ADCY7: variants seen among roughly 807,000 people sequenced by gnomAD.
ADCY7 encodes adenylate cyclase type 7.
In ADCY7, 72 loss-of-function variants were observed where a neutral mutation model predicts 120.6. That is an observed-to-expected ratio of 0.60 (90% CI 0.49 to 0.73). The LOEUF (loss-of-function observed/expected upper bound fraction) is 0.73, where lower values mean the gene tolerates loss of function less well. Ranked by LOEUF, ADCY7 falls within the 30% of genes least tolerant of loss-of-function variation. ADCY7 has a pLI of 0.00. For missense variants in ADCY7, 1,227 were observed against 1,486.0 expected, an observed-to-expected ratio of 0.83 and a Z score of 2.87; for synonymous variants, 661 against 628.0, an observed-to-expected ratio of 1.05 and a Z score of -0.78.
At chr16:50,304,900 T>C in intron 11 of ADCY7, 25 bp from the exon 12 acceptor site, 2 of 1,613,754 alleles carry the variant, frequency 1.2e-6, no homozygotes, top group Non-Finnish European at 1.7e-6. Context: ...GGAATGACTG[T>C]ATCCTTTCCT....
intron 1 of ADCY7, among the ~76,000 whole-genome samples, chr16:50,281,626 G>A (rs1047898680): frequency 7.9e-5 from 12 of 152,346 alleles, no homozygotes; most frequent in Admixed American, 3.3e-4. Flanking sequence ...AGTTTGGCAA[G>A]TCAGGGGCCG....
Position 50,308,769 on chromosome 16 carries a change from C to T in ADCY7, c.2038C>T (p.Leu680Phe). 1 of 1,611,628 alleles carries T rather than the reference C, an allele frequency of 6.2e-7. No individual in the cohort carries two copies. Among genetic ancestry groups the T allele is most frequent in the Non-Finnish European group, 8.5e-7 (1 of 1,179,538 alleles). Residue 680 changes from leucine (L) to phenylalanine (F), a missense_variant, in exon 17 of 26, where the codon CTC becomes TTC. Physicochemically the swap from Leu to Phe is conservative, Grantham distance 22. Coordinates refer to ENST00000673801, the MANE Select transcript of ADCY7 (RefSeq NM_001114.5). ...GGCCGTCCTGACCATCGGCAGCCTG[C>T]TCACTGTGGCCATCATCAACCTGGT... Reference protein sequence around the residue: ...TLAVLTIGSLLTVAIINLPLM... With the variant: ...TLAVLTIGSLFTVAIINLPLM...
In ADCY7 at chr16:50,301,179, A is replaced by G. The variant is rs754649790; in HGVS notation, c.1333A>G (p.Met445Val). The change falls in exon 10 of 26, where the codon ATG becomes GTG. Residue 445 changes from methionine to valine, a missense_variant. By Grantham distance (21) the Met-to-Val change is conservative. Around this residue, in one of 5 missense-constraint regions of ADCY7, gnomAD observed 332 missense variants for 455.8 expected, o/e 0.73. Coordinates refer to ENST00000673801, the MANE Select transcript of ADCY7 (RefSeq NM_001114.5). ...GCAGCGGGACCCCTACCTCAAGGAGATGAACATCCGCACCTACCTGGTCAT... is the reference window on the plus strand; with the variant it reads ...GCAGCGGGACCCCTACCTCAAGGAGGTGAACATCCGCACCTACCTGGTCAT... Reference protein sequence around the residue: ...GQQRDPYLKEMNIRTYLVIDP... With the variant: ...GQQRDPYLKEVNIRTYLVIDP... 2 of 1,610,360 alleles carry G rather than the reference A, an allele frequency of 1.2e-6. No individual in the cohort carries two copies. The highest frequency in any genetic ancestry group is 2.2e-5 in the South Asian group (2 of 90,454).
chr16:50,295,028 CAGG>C (rs1315975620), intron 7 of ADCY7, among the ~76,000 whole-genome samples: 2 of 152,112 alleles, frequency 1.3e-5, no homozygotes, highest in Non-Finnish European at 1.5e-5. Flanking sequence ...GATGGGGGCT[CAGG>C]AGGAGGAGAT....
intron 14 of ADCY7, 142 bp downstream of exon 14, chr16:50,305,991 C>G (rs558369222): frequency 2.7e-5 from 19 of 716,162 alleles, no homozygotes; most frequent in Non-Finnish European, 3.4e-5. Context: ...TGCTCCTGGG[C>G]GGGGGGCAGG....
chr16:50,306,908 C>T lies in ADCY7; in HGVS notation c.1753-142C>T, dbSNP rs2036104041. ...CTACTGGGCTCAAGTGAACCTCCTT[C>T]CTCGGCTCCCAAAGTGCTGGGATTA... On this transcript the variant is annotated intron_variant, in intron 14 of 25. Transcript: ENST00000673801. 4.7e-6 allele frequency: 3 copies of T among 642,120 alleles called. No individual in the cohort carries two copies. The Admixed American group carries it at 8.3e-5, about 18-fold the overall frequency. 39.8% of individuals were successfully genotyped at this position (642,120 alleles called of 1,614,324 possible).
chr16:50,311,685 G>C lies in ADCY7; in HGVS notation c.2355-8G>C. 1 of 1,608,866 alleles carries C rather than the reference G, an allele frequency of 6.2e-7. No homozygotes were observed. The highest frequency in any genetic ancestry group is 8.5e-7 in the Non-Finnish European group (1 of 1,175,634). On this transcript the variant is annotated splice_region_variant and splice_polypyrimidine_tract_variant and intron_variant, in intron 19 of 25. Coordinates refer to ENST00000673801, the MANE Select transcript of ADCY7 (RefSeq NM_001114.5). The stretch of plus-strand genomic sequence containing the variant: ...CTGGGAGTGACTTGGGCCTCCCTTC[G>C]CATTCAGTGGCACCCCTAGCTGTTC...
chr16:50,284,316 G>A (rs2034453699), intron 1 of ADCY7, among the ~76,000 whole-genome samples: 1 of 152,156 alleles, frequency 6.6e-6, no homozygotes, highest in Non-Finnish European at 1.5e-5. Context: ...GTCCACCTGC[G>A]CCTGCCTGCC....
intron 6 of ADCY7, among the ~76,000 whole-genome samples, chr16:50,293,925 A>G (rs9939322): frequency 0.73 from 111,055 of 152,034 alleles, 41,777 homozygotes; most frequent in Middle Eastern, 0.84. Flanking sequence ...GAACCACAAA[A>G]TTTTACTTGA....
At chr16:50,302,825 G>A (rs2035819277) in intron 10 of ADCY7, among the ~76,000 whole-genome samples, 1 of 152,172 alleles carries the variant, frequency 6.6e-6, no homozygotes, top group Non-Finnish European at 1.5e-5. Flanking sequence ...CCTACCTTGG[G>A]GACATCCCTC....
In ADCY7 at chr16:50,286,124, G is replaced by T. The variant is rs1266540920; in HGVS notation, c.-268-1788G>T. Among the ~76,000 whole-genome samples the T allele has an allele frequency of 2.6e-5, 4 of 151,928 alleles. No homozygotes were observed. In the South Asian group the frequency reaches 8.3e-4, roughly 32 times the overall value. ...AAAAAAATAAACAAGATTTTTGCTG[G>T]GTACAGTGCCTGAAAGCTTAACACT... On this transcript the variant is annotated intron_variant, in intron 1 of 25. Coordinates refer to ENST00000673801, the MANE Select transcript of ADCY7 (RefSeq NM_001114.5).
chr16:50,276,012 G>C (rs1353560451), intron 1 of ADCY7, among the ~76,000 whole-genome samples: 1 of 152,218 alleles, frequency 6.6e-6, no homozygotes, highest in African/African-American at 2.4e-5. Context: ...CGCAGAGCTT[G>C]TCTTGAGGCC....
At chr16:50,282,481 C>G (rs982584799) in intron 1 of ADCY7, among the ~76,000 whole-genome samples, 2 of 152,138 alleles carry the variant, frequency 1.3e-5, no homozygotes, top group African/African-American at 4.8e-5. Context: ...GGTTGCTCAG[C>G]AGGCTTCCTG....
intron 13 of ADCY7, 85 bp from the exon 14 acceptor site, chr16:50,305,692 G>T: frequency 1.3e-6 from 2 of 1,505,522 alleles, no homozygotes; most frequent in South Asian, 1.1e-5. Context: ...GCCCAGCCTT[G>T]TTCCTTCCCC....
Position 50,315,676 on chromosome 16 carries a change from G to A in ADCY7, c.*171G>A. ...TCTCAGACACATGCACCAGATTCTG[G>A]CTCGAAGCAGCCACTGAGCCATAAT... On this transcript the variant is annotated 3_prime_UTR_variant, in exon 26 of 26. Transcript: ENST00000673801. 1.2e-6 allele frequency: 1 copy of A among 806,602 alleles called. No individual in the cohort carries two copies. The highest frequency in any genetic ancestry group is 1.9e-6 in the Non-Finnish European group (1 of 532,138). 50.0% of individuals were successfully genotyped at this position (806,602 alleles called of 1,614,324 possible). A position where few individuals can be genotyped will look rare whatever the true frequency, so the allele number is the denominator to read the frequency against.
intron 12 of ADCY7, among the ~76,000 whole-genome samples, 177 bp downstream of exon 12, chr16:50,305,136 C>T (rs1033347007): frequency 6.6e-6 from 1 of 152,240 alleles, no homozygotes; most frequent in Non-Finnish European, 1.5e-5. Flanking sequence ...GCCCCTGGCC[C>T]TTCTGCATGG....
At chr16:50,252,463 CAGGCATTGTTTGTGTGCCTGGGT>C (rs1266346660) in intron 1 of ADCY7, among the ~76,000 whole-genome samples, 14 of 151,482 alleles carry the variant, frequency 9.2e-5, no homozygotes, top group African/African-American at 2.9e-4. Context: ...TGTGCCTGGG[CAGGCATTGTTTGTGTGCCTGGGT>C]AGGCATTGTT....
In ADCY7 at chr16:50,297,894, G is replaced by C. The variant is rs1002277477; in HGVS notation, c.949-1010G>C. 1.3e-5 allele frequency among the ~76,000 whole-genome samples: 2 copies of C among 152,168 alleles called. No homozygotes were observed. The highest frequency in any genetic ancestry group is 4.8e-5 in the African/African-American group (2 of 41,436). On this transcript the variant is annotated intron_variant, in intron 7 of 25. Coordinates refer to ENST00000673801, the MANE Select transcript of ADCY7 (RefSeq NM_001114.5). This position sits in a 1 kb window ranked among gnomAD's most constrained non-coding sequence, Gnocchi z 4.4. Reference sequence around the variant, plus strand: ...AGTGGGGTAGAGGGTGGGGAGGGGAGAGCAGAGGCAGATGGCGCTCCTTCT... The same window carrying C: ...AGTGGGGTAGAGGGTGGGGAGGGGACAGCAGAGGCAGATGGCGCTCCTTCT...
rs756933592 is a variant in ADCY7 at position 50,304,357 on chromosome 16, C to T, written c.1369-3C>T. The T allele has an allele frequency of 6.6e-7, 1 of 1,509,042 alleles. No individual in the cohort carries two copies. Among genetic ancestry groups the T allele is most frequent in the East Asian group, 2.4e-5 (1 of 42,480 alleles). The allele number at this position is 1,509,042 out of a possible 1,614,324, so 93.5% of individuals were successfully genotyped here. A position where few individuals can be genotyped will look rare whatever the true frequency, so the allele number is the denominator to read the frequency against. Reference sequence around the variant, plus strand: ...ACAGGCCCATGTCCATGTCTGCCCGCAGAGCCAGCAGCCACCCCCGCCCAG... The same window carrying T: ...ACAGGCCCATGTCCATGTCTGCCCGTAGAGCCAGCAGCCACCCCCGCCCAG... On this transcript the variant is annotated splice_polypyrimidine_tract_variant and splice_region_variant and intron_variant, in intron 10 of 25. Coordinates refer to ENST00000673801, the MANE Select transcript of ADCY7 (RefSeq NM_001114.5).
Sources: gnomAD v4.1 joint callset for allele counts (sites outside exome capture counted in the v4.1 genomes callset) on GRCh38, gnomAD v4.1.1 for gene constraint, gnomAD v4.1.1 regional missense constraint, Gnocchi (gnomAD v3.1) non-coding constraint, MANE v1.5 for transcripts, NCBI Gene and HGNC (gene_info 2026-07-23, HGNC 2026-07-21) for gene names.